The following MAST4 variants were observed in gnomAD, a reference collection of about 807,000 sequenced individuals.
MAST4 encodes microtubule-associated serine/threonine-protein kinase 4.
In MAST4, 89 loss-of-function variants were observed where a neutral mutation model predicts 162.7. The ratio of observed to expected loss-of-function variants is 0.55; its 90% CI spans 0.46 to 0.65. The LOEUF (loss-of-function observed/expected upper bound fraction) is 0.65, where lower values mean the gene tolerates loss of function less well. MAST4 is among the 30% of genes least tolerant of loss of function. The pLI is 0.00. For missense variants in MAST4, 3,153 were observed against 3,374.0 expected, an observed-to-expected ratio of 0.93 and a Z score of 1.62; for synonymous variants, 1,479 against 1,361.1, an observed-to-expected ratio of 1.09 and a Z score of -1.91.
At chr5:67,108,023 G>A (rs971937460) in intron 10 of MAST4, among the ~76,000 whole-genome samples, 1 of 152,074 alleles carries the variant, frequency 6.6e-6, no homozygotes, top group African/African-American at 2.4e-5. Context: ...TTTTAACAGG[G>A]CTTCTTCTCC....
chr5:66,613,366 C>A (rs1203674068), intron 1 of MAST4, among the ~76,000 whole-genome samples: 6 of 145,872 alleles, frequency 4.1e-5, no homozygotes, highest in African/African-American at 1.3e-4. Flanking sequence ...GCATTGTCTT[C>A]CTCTGCTTTG....
chr5:66,951,760 T>C (rs895797995), intron 4 of MAST4, among the ~76,000 whole-genome samples: 8 of 152,088 alleles, frequency 5.3e-5, no homozygotes, highest in Non-Finnish European at 1.2e-4. Flanking sequence ...AGATTTTATG[T>C]AGCTGTCATG....
chr5:67,020,187 T>G (rs1227112549), intron 4 of MAST4, among the ~76,000 whole-genome samples: 1 of 152,224 alleles, frequency 6.6e-6, no homozygotes, highest in Admixed American at 6.5e-5. Flanking sequence ...GACTATGCCT[T>G]GCTTCCCAGT....
intron 1 of MAST4, among the ~76,000 whole-genome samples, chr5:66,717,189 G>A (rs1210140140): frequency 6.6e-6 from 1 of 152,182 alleles, no homozygotes; most frequent in Non-Finnish European, 1.5e-5. Context: ...GGTGAGGGAG[G>A]AGGCTACCCT....
At chr5:66,931,062 T>A (rs927393278) in intron 4 of MAST4, 1 of 210,094 alleles carries the variant, frequency 4.8e-6, no homozygotes, top group Non-Finnish European at 9.8e-6. Context: ...AGGGGAAATA[T>A]AGCTTCTGAG....
intron 3 of MAST4, among the ~76,000 whole-genome samples, chr5:66,879,506 T>C (rs1021902908): frequency 1.3e-5 from 2 of 151,924 alleles, no homozygotes; most frequent in Non-Finnish European, 2.9e-5. Flanking sequence ...GCTTGCTTTC[T>C]TTGTTTTGTT....
intron 5 of MAST4, among the ~76,000 whole-genome samples, chr5:67,085,663 A>C (rs1763156760): frequency 6.6e-6 from 1 of 152,194 alleles, no homozygotes; most frequent in African/African-American, 2.4e-5. Flanking sequence ...GCCTGTGAAC[A>C]CTTGACAACT....
intron 19 of MAST4, among the ~76,000 whole-genome samples, chr5:67,140,357 A>G (rs1770216499): frequency 6.6e-6 from 1 of 152,236 alleles, no homozygotes; most frequent in African/African-American, 2.4e-5. Flanking sequence ...TAAGATGGGC[A>G]GTTGTGCATA....
At chr5:67,016,112 C>G (rs535826411) in intron 4 of MAST4, among the ~76,000 whole-genome samples, 1 of 151,906 alleles carries the variant, frequency 6.6e-6, no homozygotes, top group Non-Finnish European at 1.5e-5. Context: ...GAGTAACATG[C>G]GGTAACTGGT....
intron 3 of MAST4, among the ~76,000 whole-genome samples, chr5:66,836,362 C>T (rs753751040): frequency 2.0e-5 from 3 of 152,074 alleles, no homozygotes; most frequent in South Asian, 2.1e-4. Flanking sequence ...TAAATTAGTT[C>T]GGCCACTGTG....
chr5:67,148,328 T>G (rs1771354190), intron 23 of MAST4, among the ~76,000 whole-genome samples: 1 of 152,126 alleles, frequency 6.6e-6, no homozygotes, highest in Admixed American at 6.6e-5. Flanking sequence ...ATCAATGATG[T>G]TTTTAAAGAA....
intron 4 of MAST4, among the ~76,000 whole-genome samples, chr5:66,921,369 G>A (rs1764522351): frequency 6.6e-6 from 1 of 152,162 alleles, no homozygotes; most frequent in Non-Finnish European, 1.5e-5. Flanking sequence ...GTAAACTGCA[G>A]CCCACCTTCG....
intron 3 of MAST4, among the ~76,000 whole-genome samples, chr5:66,821,875 T>C (rs938189268): frequency 3.3e-5 from 5 of 152,014 alleles, no homozygotes; most frequent in Non-Finnish European, 7.4e-5. Flanking sequence ...GGTGAGATGG[T>C]AATGGCCTGG....
At chr5:66,656,662 A>G (rs944001281) in intron 1 of MAST4, among the ~76,000 whole-genome samples, 1 of 152,170 alleles carries the variant, frequency 6.6e-6, no homozygotes, top group Non-Finnish European at 1.5e-5. Flanking sequence ...ATGCAGAGAC[A>G]ATTCTAAGGT....
At chr5:66,845,537 C>A (rs1246026542) in intron 3 of MAST4, among the ~76,000 whole-genome samples, 1 of 151,980 alleles carries the variant, frequency 6.6e-6, no homozygotes. Flanking sequence ...GGGTTGGTTC[C>A]AAGTCTTTGC....
At chr5:66,654,204 G>A (rs1482118928) in intron 1 of MAST4, among the ~76,000 whole-genome samples, 8 of 152,220 alleles carry the variant, frequency 5.3e-5, no homozygotes, top group Non-Finnish European at 1.0e-4. Flanking sequence ...GAGGAGTAAT[G>A]TTTAATAATG....
chr5:66,729,869 T>C (rs1007076197), intron 1 of MAST4, among the ~76,000 whole-genome samples: 2 of 152,236 alleles, frequency 1.3e-5, no homozygotes, highest in African/African-American at 2.4e-5. Context: ...GGCATGAGCC[T>C]GAATGATTTA....
At chr5:66,662,249 GA>G (rs1276182274) in intron 1 of MAST4, 1 of 151,974 alleles carries the variant, frequency 6.6e-6, no homozygotes, top group African/African-American at 2.4e-5. Flanking sequence ...ACACTCTTTG[GA>G]CTATTCTTAT....
chr5:67,022,436 A>G (rs917863853), intron 4 of MAST4, among the ~76,000 whole-genome samples: 3 of 151,762 alleles, frequency 2.0e-5, no homozygotes, highest in African/African-American at 7.3e-5. Context: ...ACAGTAGGGT[A>G]TGTTATTGCC....
Sources: gnomAD v4.1 joint callset for allele counts (sites outside exome capture counted in the v4.1 genomes callset) on GRCh38, gnomAD v4.1.1 for gene constraint, MANE v1.5 for transcripts, NCBI Gene and HGNC (gene_info 2026-07-23, HGNC 2026-07-21) for gene names.